The following NKAIN2 variants were observed in gnomAD, a reference collection of about 807,000 sequenced individuals.
The protein encoded by NKAIN2 is sodium/potassium-transporting ATPase subunit beta-1-interacting protein 2.
NKAIN2 carries 14 observed loss-of-function variants against 32.6 expected under a neutral mutation model. That is an observed-to-expected ratio of 0.43 (90% CI 0.28 to 0.67). The LOEUF (loss-of-function observed/expected upper bound fraction) is 0.67, where lower values mean the gene tolerates loss of function less well. Ranked by LOEUF, NKAIN2 falls within the 30% of genes least tolerant of loss-of-function variation. NKAIN2 has a pLI of 0.17. For synonymous variants in NKAIN2, 80 were observed against 87.2 expected (o/e 0.92, Z 0.46); for missense variants, 198 against 258.3 (o/e 0.77, Z 1.60).
Position 124,283,106 on chromosome 6 carries a change from T to C in NKAIN2, c.156T>C (p.Phe52=). 1 of 1,611,130 alleles carries C rather than the reference T, an allele frequency of 6.2e-7. No homozygotes were observed. ...VHIIIVILGL[F]GTIQYRPRYI... ...TTATTATCGTCATTCTTGGTTTGTT[T>C]GGAACTATTCAATATAGACCTCGTT... Residue 52 remains phenylalanine (F), a synonymous_variant, in exon 2 of 7, where the codon TTT becomes TTC. Coordinates refer to ENST00000368417, the MANE Select transcript of NKAIN2 (RefSeq NM_001040214.3).
chr6:124,418,871 A>G (rs989085244), intron 3 of NKAIN2, among the ~76,000 whole-genome samples: 5 of 151,932 alleles, frequency 3.3e-5, no homozygotes, highest in African/African-American at 1.2e-4. Flanking sequence ...AATCTTTTGC[A>G]TATGCGAATG....
intron 3 of NKAIN2, among the ~76,000 whole-genome samples, chr6:124,520,872 C>T (rs1178650263): frequency 3.3e-5 from 5 of 152,178 alleles, no homozygotes; most frequent in Non-Finnish European, 7.3e-5. Flanking sequence ...TTCAAACTCT[C>T]AGGAGAAGAT....
At position 124,820,136 on chromosome 6, in the gene NKAIN2, C is replaced by A. The variant is rs187092770; in HGVS notation, c.617+1668C>A. On this transcript the variant is annotated intron_variant, in intron 6 of 6. Coordinates refer to ENST00000368417, the MANE Select transcript of NKAIN2 (RefSeq NM_001040214.3). ...TGCCATACCTTCCTTCCCTATCCCC[C>A]CAGAAAGATTCTTGATAGCTACAAC... 1.8e-4 allele frequency among the ~76,000 whole-genome samples: 28 copies of A among 152,260 alleles called. 1 individual carries two copies. Among genetic ancestry groups the A allele is most frequent in the Admixed American group, 1.5e-3 (23 of 15,290 alleles).
intron 5 of NKAIN2, among the ~76,000 whole-genome samples, chr6:124,809,064 A>T (rs575673333): frequency 3.5e-4 from 54 of 152,324 alleles, no homozygotes; most frequent in Non-Finnish European, 5.3e-4. Flanking sequence ...TGCCCAAGGT[A>T]ATTTACAGAT....
intron 3 of NKAIN2, among the ~76,000 whole-genome samples, chr6:124,487,150 T>C (rs943219211): frequency 1.3e-5 from 2 of 152,146 alleles, no homozygotes; most frequent in Non-Finnish European, 2.9e-5. Flanking sequence ...TTTTGGTCAG[T>C]GTTCCCAGAG....
chr6:124,346,463 G>A (rs1193289427), intron 2 of NKAIN2, among the ~76,000 whole-genome samples: 1 of 152,168 alleles, frequency 6.6e-6, no homozygotes, highest in Non-Finnish European at 1.5e-5. Context: ...TATTGTGTGG[G>A]AGTCTAAGTC....
intron 4 of NKAIN2, among the ~76,000 whole-genome samples, chr6:124,757,269 C>G (rs1778009561): frequency 6.6e-6 from 1 of 152,156 alleles, no homozygotes; most frequent in East Asian, 1.9e-4. Flanking sequence ...CCCACATTTC[C>G]TTTTGTTGAA....
chr6:124,095,128 C>T (rs1021865860), intron 1 of NKAIN2, among the ~76,000 whole-genome samples: 4 of 152,010 alleles, frequency 2.6e-5, no homozygotes, highest in Non-Finnish European at 5.9e-5. Flanking sequence ...AACTGCTGAC[C>T]TATATGATGT....
intron 4 of NKAIN2, among the ~76,000 whole-genome samples, chr6:124,695,007 T>C (rs1057219393): frequency 4.6e-5 from 7 of 152,186 alleles, no homozygotes; most frequent in African/African-American, 1.7e-4. Flanking sequence ...CTTTATAATA[T>C]GTCATATATG....
chr6:123,814,401 G>A (rs1180207357), intron 1 of NKAIN2, among the ~76,000 whole-genome samples: 1 of 152,174 alleles, frequency 6.6e-6, no homozygotes, highest in Non-Finnish European at 1.5e-5. Flanking sequence ...CCCTGGAATA[G>A]ATTTATTTTT....
intron 3 of NKAIN2, among the ~76,000 whole-genome samples, chr6:124,361,176 C>T (rs1799273105): frequency 1.3e-5 from 2 of 152,148 alleles, no homozygotes; most frequent in South Asian, 4.1e-4. Flanking sequence ...CTATTCATTT[C>T]ATCACCTGGA....
At chr6:124,072,594 C>T (rs1212643593) in intron 1 of NKAIN2, among the ~76,000 whole-genome samples, 2 of 152,176 alleles carry the variant, frequency 1.3e-5, no homozygotes, top group Non-Finnish European at 2.9e-5. Context: ...TTTCTTTCCT[C>T]CATCTGCCCC....
chr6:124,689,883 T>G (rs1774175888), intron 4 of NKAIN2, among the ~76,000 whole-genome samples: 1 of 152,230 alleles, frequency 6.6e-6, no homozygotes, highest in East Asian at 1.9e-4. Context: ...GAGGTTATAG[T>G]GTGTCACTGC....
At chr6:123,853,775 C>CTT (rs1247862956) in intron 1 of NKAIN2, among the ~76,000 whole-genome samples, 4 of 141,354 alleles carry the variant, frequency 2.8e-5, no homozygotes, top group Non-Finnish European at 3.1e-5. Context: ...GATAAATTTC[C>CTT]TTTTTTTTTT....
chr6:123,809,795 T>G (rs1053422620), intron 1 of NKAIN2, among the ~76,000 whole-genome samples: 1 of 152,168 alleles, frequency 6.6e-6, no homozygotes, highest in East Asian at 1.9e-4. Context: ...TATGCAGGTA[T>G]AGACTCTTTT....
chr6:124,555,246 G>T (rs1780429434), intron 3 of NKAIN2, among the ~76,000 whole-genome samples: 1 of 152,160 alleles, frequency 6.6e-6, no homozygotes, highest in Non-Finnish European at 1.5e-5. Flanking sequence ...GCCAAGCAGA[G>T]AACATGGCAA....
At chr6:123,853,992 T>C (rs889406222) in intron 1 of NKAIN2, among the ~76,000 whole-genome samples, 4 of 152,018 alleles carry the variant, frequency 2.6e-5, no homozygotes, top group African/African-American at 7.2e-5. Context: ...AGGCTGGTCT[T>C]GAACTCCTGA....
At position 124,810,882 on chromosome 6, in the gene NKAIN2, C is replaced by T. The variant is rs989421826; in HGVS notation, c.536-7505C>T. On this transcript the variant is annotated intron_variant, in intron 5 of 6. Coordinates refer to ENST00000368417, the MANE Select transcript of NKAIN2 (RefSeq NM_001040214.3). ...TTTCATGCAACAACAGGCTAAAGTA[C>T]GTCTTCCTATAAAGGATTGCATTTT... 2.7e-5 allele frequency among the ~76,000 whole-genome samples: 4 copies of T among 147,864 alleles called. No individual in the cohort carries two copies. In the South Asian group the frequency reaches 6.4e-4, roughly 24 times the overall value.
chr6:124,269,209 G>T (rs1178194730), intron 1 of NKAIN2, among the ~76,000 whole-genome samples: 2 of 152,036 alleles, frequency 1.3e-5, no homozygotes, highest in East Asian at 3.9e-4. Context: ...CCCATGGAAA[G>T]CCACAGTCAC....
Sources: allele counts gnomAD v4.1 joint callset (sites outside exome capture counted in the v4.1 genomes callset), GRCh38; gene constraint gnomAD v4.1.1; transcripts MANE v1.5; gene names NCBI Gene and HGNC (gene_info 2026-07-23, HGNC 2026-07-21).